The following MZT1 variants were observed in gnomAD, a reference collection of about 807,000 sequenced individuals.
The protein encoded by MZT1 is mitotic spindle organizing protein 1.
Under a neutral mutation model 8.5 loss-of-function variants are expected in MZT1, and 8 were observed. That is an observed-to-expected ratio of 0.94 (90% CI 0.55 to 1.70). The LOEUF (loss-of-function observed/expected upper bound fraction) is 1.70, where lower values mean the gene tolerates loss of function less well. Among genes scored for constraint, MZT1 ranks in the 40% most tolerant of loss-of-function variants. The pLI is 0.00. For missense variants in MZT1, 93 were observed against 108.6 expected, an observed-to-expected ratio of 0.86 and a Z score of 0.64; for synonymous variants, 38 against 42.0, an observed-to-expected ratio of 0.90 and a Z score of 0.37.
rs747137317 is a variant in MZT1 at position 72,709,521 on chromosome 13, T to A, written c.*801A>T. On this transcript the variant is annotated 3_prime_UTR_variant, in exon 3 of 3. Coordinates refer to ENST00000377818, the MANE Select transcript of MZT1 (RefSeq NM_001071775.3). ...TGTTGTTTCATTTTACAAATTTTTT[T>A]ATTCCGTTATTTATAGGATATAAAA... 2 of 152,100 alleles carry A rather than the reference T, an allele frequency of 1.3e-5. No homozygotes were observed. Among genetic ancestry groups the A allele is most frequent in the African/African-American group, 2.4e-5 (1 of 41,468 alleles). 9.4% of individuals were successfully genotyped at this position (152,100 alleles called of 1,614,324 possible).
At chr13:72,710,391 G>C in intron 2 of MZT1, 46 bp from the exon 3 acceptor site, 1 of 1,589,658 alleles carries the variant, frequency 6.3e-7, no homozygotes, top group Non-Finnish European at 8.6e-7. Flanking sequence ...CATGGAAAAA[G>C]AGGCATCATG....
intron 1 of MZT1, among the ~76,000 whole-genome samples, chr13:72,720,697 T>C (rs1056685033): frequency 1.3e-5 from 2 of 152,176 alleles, no homozygotes; most frequent in African/African-American, 4.8e-5. Context: ...GAGACCAGCC[T>C]GACCAACATG....
At chr13:72,713,966 T>C (rs1385776342) in intron 2 of MZT1, among the ~76,000 whole-genome samples, 1 of 152,226 alleles carries the variant, frequency 6.6e-6, no homozygotes, top group African/African-American at 2.4e-5. Context: ...TATTTTTCTT[T>C]CTGCCATATG....
intron 2 of MZT1, among the ~76,000 whole-genome samples, chr13:72,711,887 C>G (rs982165699): frequency 6.6e-6 from 1 of 152,106 alleles, no homozygotes; most frequent in African/African-American, 2.4e-5. Context: ...AGACTTTAAT[C>G]CAGGGAGAAG....
chr13:72,720,334 T>A (rs1223253589), intron 1 of MZT1, among the ~76,000 whole-genome samples: 1 of 152,248 alleles, frequency 6.6e-6, no homozygotes, highest in Non-Finnish European at 1.5e-5. Flanking sequence ...CATTCCGTTG[T>A]CATCTTTCAT....
intron 2 of MZT1, among the ~76,000 whole-genome samples, chr13:72,715,643 T>C (rs1440104823): frequency 6.6e-6 from 1 of 152,178 alleles, no homozygotes; most frequent in Non-Finnish European, 1.5e-5. Context: ...TCATCCCTCA[T>C]GAATGGTTTA....
chr13:72,713,421 G>C (rs928426830), intron 2 of MZT1, among the ~76,000 whole-genome samples: 5 of 152,178 alleles, frequency 3.3e-5, no homozygotes, highest in Non-Finnish European at 5.9e-5. Context: ...AAGGTCCACA[G>C]ATGCTCAAAT....
intron 1 of MZT1, among the ~76,000 whole-genome samples, chr13:72,720,606 G>C (rs894203119): frequency 6.6e-6 from 1 of 152,054 alleles, no homozygotes; most frequent in African/African-American, 2.4e-5. Context: ...AGTTCAATTT[G>C]AGCCGGGCGC....
intron 2 of MZT1, among the ~76,000 whole-genome samples, 182 bp downstream of exon 2, chr13:72,718,770 C>T (rs748760250): frequency 1.4e-4 from 22 of 152,102 alleles, no homozygotes; most frequent in Admixed American, 6.6e-5. Context: ...TGAGCCACTG[C>T]GCCCGGCCTA....
chr13:72,710,482 C>T, intron 2 of MZT1, 137 bp from the exon 3 acceptor site: 1 of 747,762 alleles, frequency 1.3e-6, no homozygotes, highest in South Asian at 1.7e-5. Context: ...CACAGTAATG[C>T]AGTGCTTTTC....
intron 2 of MZT1, among the ~76,000 whole-genome samples, chr13:72,711,966 T>C (rs1481497588): frequency 2.0e-5 from 3 of 152,226 alleles, no homozygotes; most frequent in Non-Finnish European, 4.4e-5. Flanking sequence ...TAAAATAGCA[T>C]GATACTATCT....
Position 72,709,322 on chromosome 13 carries a change from T to A in MZT1, c.*1000A>T, listed in dbSNP as rs2138003419. Reference sequence around the variant, plus strand: ...CCTTTGAAACACATCACCCATCTAATAAGATTGTTTAGTTTTGTTTAATGA... The same window carrying A: ...CCTTTGAAACACATCACCCATCTAAAAAGATTGTTTAGTTTTGTTTAATGA... On this transcript the variant is annotated 3_prime_UTR_variant, in exon 3 of 3. Coordinates refer to ENST00000377818, the MANE Select transcript of MZT1 (RefSeq NM_001071775.3). 6.6e-6 allele frequency: 1 copy of A among 152,122 alleles called. No homozygotes were observed. Among genetic ancestry groups the A allele is most frequent in the Admixed American group, 6.5e-5 (1 of 15,296 alleles). 9.4% of individuals were successfully genotyped at this position (152,122 alleles called of 1,614,324 possible).
At chr13:72,718,801 A>G in intron 2 of MZT1, 151 bp downstream of exon 2, 3 of 682,702 alleles carry the variant, frequency 4.4e-6, no homozygotes, top group Non-Finnish European at 6.8e-6. Flanking sequence ...TTTTTATGAT[A>G]TGAACATACA....
intron 1 of MZT1, among the ~76,000 whole-genome samples, chr13:72,721,803 G>A (rs2032596192): frequency 6.6e-6 from 1 of 152,218 alleles, no homozygotes; most frequent in African/African-American, 2.4e-5. Flanking sequence ...GTTGTTTCAA[G>A]TAGAAGCATA....
intron 2 of MZT1, among the ~76,000 whole-genome samples, chr13:72,711,416 A>C (rs1210188660): frequency 6.6e-6 from 1 of 152,172 alleles, no homozygotes; most frequent in East Asian, 1.9e-4. Flanking sequence ...AATGACTTAG[A>C]CCACATCAAT....
At chr13:72,720,213 G>A (rs1011395365) in intron 1 of MZT1, among the ~76,000 whole-genome samples, 3 of 152,128 alleles carry the variant, frequency 2.0e-5, no homozygotes, top group African/African-American at 4.8e-5. Flanking sequence ...CAGTTGAGAT[G>A]CCACCTTTAT....
At chr13:72,724,555 T>C (rs1476021896) in intron 1 of MZT1, among the ~76,000 whole-genome samples, 10 of 146,350 alleles carry the variant, frequency 6.8e-5, no homozygotes, top group Admixed American at 6.8e-4. Context: ...TTTTTTTTTT[T>C]TGAGATGGAG....
chr13:72,725,051 C>CAA (rs767509747), intron 1 of MZT1, among the ~76,000 whole-genome samples: 3 of 93,904 alleles, frequency 3.2e-5, no homozygotes, highest in African/African-American at 7.5e-5. Context: ...GACTCGGTCT[C>CAA]AAAAAAAAAA....
intron 2 of MZT1, among the ~76,000 whole-genome samples, chr13:72,715,435 TTTGGGGACTG>T (rs2032525679): frequency 6.6e-6 from 1 of 152,128 alleles, no homozygotes; most frequent in Non-Finnish European, 1.5e-5. Context: ...AGTTAAGACT[TTTGGGGACTG>T]TTGGGAAGGC....
Sources: allele counts gnomAD v4.1 joint callset (sites outside exome capture counted in the v4.1 genomes callset), GRCh38; gene constraint gnomAD v4.1.1; transcripts MANE v1.5; gene names NCBI Gene and HGNC (gene_info 2026-07-23, HGNC 2026-07-21).